CHRM3: variants seen among roughly 807,000 people sequenced by gnomAD.
CHRM3 encodes the protein cholinergic receptor muscarinic 3.
Under a neutral mutation model 41.8 loss-of-function variants are expected in CHRM3, and 11 were observed. That is an observed-to-expected ratio of 0.26 (90% CI 0.17 to 0.44). The LOEUF (loss-of-function observed/expected upper bound fraction) is 0.44, where lower values mean the gene tolerates loss of function less well. Ranked by LOEUF, CHRM3 falls within the 20% of genes least tolerant of loss-of-function variation. The pLI is 1.00. For missense variants in CHRM3, 571 were observed against 745.4 expected, an observed-to-expected ratio of 0.77 and a Z score of 2.72; for synonymous variants, 297 against 301.4, an observed-to-expected ratio of 0.99 and a Z score of 0.15.
intron 2 of CHRM3, among the ~76,000 whole-genome samples, chr1:239,494,544 TTTTG>T (rs1327536597): frequency 6.6e-6 from 1 of 152,122 alleles, no homozygotes; most frequent in African/African-American, 2.4e-5. Flanking sequence ...TGCTTTTATT[TTTTG>T]TTTATTTTTT....
Position 239,540,878 on chromosome 1 carries a change from G to A in CHRM3, c.-421-4763G>A, listed in dbSNP as rs556216110. On this transcript the variant is annotated intron_variant, in intron 2 of 6. Coordinates refer to ENST00000676153, the MANE Select transcript of CHRM3 (RefSeq NM_001375978.1). ...TGTTTCCCTGATGTTGTGTTATGGTGTTAATAACAGTAGTAACAACAGCTA... is the reference window on the plus strand; with the variant it reads ...TGTTTCCCTGATGTTGTGTTATGGTATTAATAACAGTAGTAACAACAGCTA... Among the ~76,000 whole-genome samples the A allele has an allele frequency of 7.9e-5, 12 of 152,114 alleles. No individual in the cohort carries two copies. The South Asian group carries it at 2.3e-3, about 29-fold the overall frequency.
chr1:239,450,389 A>G (rs1021568785), intron 1 of CHRM3, among the ~76,000 whole-genome samples: 12 of 152,210 alleles, frequency 7.9e-5, no homozygotes, highest in Non-Finnish European at 1.3e-4. Context: ...TAACAAAAAA[A>G]CCAACTTAGG....
intron 5 of CHRM3, among the ~76,000 whole-genome samples, chr1:239,690,683 T>C (rs890816873): frequency 6.6e-6 from 1 of 152,224 alleles, no homozygotes; most frequent in Admixed American, 6.5e-5. Flanking sequence ...AATTTACCCC[T>C]TATATGGAAA....
chr1:239,507,080 T>C (rs1039098262), intron 2 of CHRM3, among the ~76,000 whole-genome samples: 1 of 152,160 alleles, frequency 6.6e-6, no homozygotes, highest in Non-Finnish European at 1.5e-5. Context: ...GGGACTTGCG[T>C]TGTTTTTGAT....
chr1:239,604,718 G>A (rs940137124), intron 3 of CHRM3, among the ~76,000 whole-genome samples: 1 of 152,138 alleles, frequency 6.6e-6, no homozygotes, highest in Admixed American at 6.5e-5. Context: ...TCCAACCTGA[G>A]AACTTTTAGA....
At chr1:239,623,731 G>A (rs369554127) in intron 3 of CHRM3, among the ~76,000 whole-genome samples, 1 of 49,984 alleles carries the variant, frequency 2.0e-5, no homozygotes, top group East Asian at 5.2e-4. Context: ...TCCCACCTAT[G>A]AGTGAGAATA....
chr1:239,734,940 T>G (rs1452107257), intron 5 of CHRM3, among the ~76,000 whole-genome samples: 1 of 152,136 alleles, frequency 6.6e-6, no homozygotes, highest in African/African-American at 2.4e-5. Context: ...ATTATTTAAA[T>G]TTTTCAAAAG....
intron 1 of CHRM3, among the ~76,000 whole-genome samples, chr1:239,409,585 A>T (rs914977393): frequency 6.6e-6 from 1 of 152,154 alleles, no homozygotes; most frequent in Non-Finnish European, 1.5e-5. Flanking sequence ...GCAGATATTT[A>T]AAAAATTTTT....
intron 5 of CHRM3, among the ~76,000 whole-genome samples, chr1:239,718,447 A>C (rs896350852): frequency 2.6e-5 from 4 of 152,028 alleles, no homozygotes; most frequent in African/African-American, 9.7e-5. Context: ...CATTTCATCA[A>C]GAGCTATTTG....
At chr1:239,487,403 G>C (rs1286551911) in intron 1 of CHRM3, among the ~76,000 whole-genome samples, 1 of 152,042 alleles carries the variant, frequency 6.6e-6, no homozygotes, top group East Asian at 1.9e-4. Context: ...TTGTTGTTCA[G>C]AATTTAGTAG....
At chr1:239,466,177 T>G (rs776934813) in intron 1 of CHRM3, among the ~76,000 whole-genome samples, 1 of 151,974 alleles carries the variant, frequency 6.6e-6, no homozygotes, top group Non-Finnish European at 1.5e-5. Flanking sequence ...GTATTTTTAG[T>G]AGAGATGAGG....
At chr1:239,718,611 T>C (rs1354338653) in intron 5 of CHRM3, among the ~76,000 whole-genome samples, 2 of 152,040 alleles carry the variant, frequency 1.3e-5, no homozygotes, top group Non-Finnish European at 2.9e-5. Context: ...TTCCATTCTT[T>C]TTTTTTTGAA....
intron 3 of CHRM3, among the ~76,000 whole-genome samples, chr1:239,572,129 C>T (rs903757473): frequency 6.6e-6 from 1 of 152,164 alleles, no homozygotes; most frequent in Non-Finnish European, 1.5e-5. Flanking sequence ...CATTTTACCA[C>T]CAAAAGCTTG....
chr1:239,669,237 G>A (rs1394964605), intron 4 of CHRM3, among the ~76,000 whole-genome samples: 2 of 152,132 alleles, frequency 1.3e-5, no homozygotes, highest in African/African-American at 4.8e-5. Context: ...AAATAATTAA[G>A]TCCAATATTC....
chr1:239,521,209 C>T (rs1669617275), intron 2 of CHRM3, among the ~76,000 whole-genome samples: 1 of 152,196 alleles, frequency 6.6e-6, no homozygotes, highest in Non-Finnish European at 1.5e-5. Context: ...AAAGATGCTC[C>T]TTTGCAGTTG....
At chr1:239,425,905 G>A (rs950621890) in intron 1 of CHRM3, among the ~76,000 whole-genome samples, 1 of 152,066 alleles carries the variant, frequency 6.6e-6, no homozygotes, top group Non-Finnish European at 1.5e-5. Flanking sequence ...TATAAAAGCC[G>A]TTCAGTGTTC....
intron 5 of CHRM3, among the ~76,000 whole-genome samples, chr1:239,753,940 G>A (rs1481476727): frequency 6.6e-6 from 1 of 152,172 alleles, no homozygotes; most frequent in East Asian, 1.9e-4. Context: ...GTGTGACAGA[G>A]CTCATTTCCG....
intron 5 of CHRM3, among the ~76,000 whole-genome samples, chr1:239,731,388 C>A (rs1386398210): frequency 6.6e-6 from 1 of 151,938 alleles, no homozygotes; most frequent in Non-Finnish European, 1.5e-5. Context: ...AATTATATTG[C>A]AAGTGATATT....
Position 239,874,298 on chromosome 1 carries a change from T to TATATATATCTATATACACAGTATATAG in CHRM3, c.-19-33127_-19-33126insCTATATACACAGTATATAGATATATAT, listed in dbSNP as rs1553291935. Among the ~76,000 whole-genome samples the TATATATATCTATATACACAGTATATAG allele has an allele frequency of 7.3e-5, 5 of 68,434 alleles. No individual in the cohort carries two copies. In the East Asian group the frequency reaches 1.1e-3, roughly 14 times the overall value. 44.9% of individuals were successfully genotyped at this position (68,434 alleles called of 152,430 possible). On this transcript the variant is annotated intron_variant, in intron 6 of 6. Coordinates refer to ENST00000676153, the MANE Select transcript of CHRM3 (RefSeq NM_001375978.1). The stretch of plus-strand genomic sequence containing the variant: ...TCTATATACACAGTATATATATATA[T>TATATATATCTATATACACAGTATATAG]ATATATATATATATATATATATATA...
Sources: gnomAD v4.1 joint callset for allele counts (sites outside exome capture counted in the v4.1 genomes callset) on GRCh38, gnomAD v4.1.1 for gene constraint, MANE v1.5 for transcripts, NCBI Gene and HGNC (gene_info 2026-07-23, HGNC 2026-07-21) for gene names.